The following E2F6 variants were observed in gnomAD, a reference collection of about 807,000 sequenced individuals.
E2F6 encodes the protein transcription factor E2F6.
Under a neutral mutation model 31.5 loss-of-function variants are expected in E2F6, and 19 were observed. That is an observed-to-expected ratio of 0.60 (90% CI 0.42 to 0.89). The LOEUF is 0.89. E2F6 is among the 40% of genes least tolerant of loss of function. The pLI, the probability that E2F6 is intolerant of heterozygous loss-of-function variation, is 0.00. For synonymous variants in E2F6, 121 were observed against 127.7 expected (o/e 0.95, Z 0.36); for missense variants, 269 against 341.6 (o/e 0.79, Z 1.67).
At chr2:11,464,722 C>T (rs762574613) in intron 1 of E2F6, among the ~76,000 whole-genome samples, 20 of 152,002 alleles carry the variant, frequency 1.3e-4, no homozygotes, top group Non-Finnish European at 2.4e-4. Context: ...ACAGGCAAGC[C>T]GGCGTTACAT....
chr2:11,451,587 T>G, intron 4 of E2F6, 64 bp downstream of exon 4: 2 of 1,464,414 alleles, frequency 1.4e-6, no homozygotes, highest in Non-Finnish European at 9.1e-7. Flanking sequence ...CCAAGCTGAC[T>G]CTACTACTTA....
At chr2:11,448,501 C>G (rs538549108) in intron 5 of E2F6, among the ~76,000 whole-genome samples, 21 of 152,246 alleles carry the variant, frequency 1.4e-4, no homozygotes, top group African/African-American at 4.6e-4. Flanking sequence ...CACTCCACAC[C>G]TCATTGTGAT....
chr2:11,453,745 G>A lies in E2F6; in HGVS notation c.217C>T (p.Arg73Ter), dbSNP rs554786766. 4.3e-6 allele frequency: 7 copies of A among 1,613,976 alleles called. No individual in the cohort carries two copies. Among genetic ancestry groups the A allele is most frequent in the Admixed American group, 3.3e-5 (2 of 59,994 alleles). Reference sequence around the variant, plus strand: ...GATCTGACAAGATCCATAAATTTTCGAGTTAAATAAACCAGCGATACATCA... The same window carrying A: ...GATCTGACAAGATCCATAAATTTTCAAGTTAAATAAACCAGCGATACATCA... Reference protein sequence around the residue: ...RFDVSLVYLTRKFMDLVRSAP... With the variant: ...RFDVSLVYLT Residue 73 changes from arginine (R) to a stop codon, truncating the protein, a stop_gained, in exon 3 of 7, where the codon CGA becomes TGA. Coordinates refer to ENST00000381525, the MANE Select transcript of E2F6 (RefSeq NM_198256.4). LOFTEE classifies it high-confidence loss of function.
chr2:11,458,189 C>T, intron 1 of E2F6: 2 of 1,406,376 alleles, frequency 1.4e-6, no homozygotes, highest in Non-Finnish European at 2.0e-6. Context: ...AAAAAACTGG[C>T]CATAAAGCAA....
At chr2:11,452,729 G>C (rs1434064370) in intron 3 of E2F6, among the ~76,000 whole-genome samples, 2 of 151,962 alleles carry the variant, frequency 1.3e-5, no homozygotes, top group African/African-American at 4.8e-5. Flanking sequence ...ATAGGGAAAG[G>C]TCCTTGCCTT....
At position 11,461,162 on chromosome 2, in the gene E2F6, C is replaced by T. The variant is rs185017705; in HGVS notation, c.109-3929G>A. 3.4e-4 allele frequency among the ~76,000 whole-genome samples: 52 copies of T among 152,166 alleles called. No individual in the cohort carries two copies. The East Asian group carries it at 9.7e-3, about 28-fold the overall frequency. ...TAGACAGGGGTGGAAAGGATGATAC[C>T]ACTGTAGGTGGAAATGCTACTGCCC... On this transcript the variant is annotated intron_variant, in intron 1 of 6. Coordinates refer to ENST00000381525, the MANE Select transcript of E2F6 (RefSeq NM_198256.4).
chr2:11,447,242 G>C (rs1011743670), intron 6 of E2F6, among the ~76,000 whole-genome samples: 3 of 152,144 alleles, frequency 2.0e-5, no homozygotes, highest in Non-Finnish European at 4.4e-5. Flanking sequence ...AGTTGAGTGG[G>C]TATTTGACTG....
At chr2:11,454,219 G>A (rs1335123447) in intron 2 of E2F6, among the ~76,000 whole-genome samples, 3 of 152,108 alleles carry the variant, frequency 2.0e-5, no homozygotes, top group South Asian at 2.1e-4. Context: ...GAGAATTGGC[G>A]GCTTTTTTTC....
chr2:11,444,415 G>GT lies in E2F6; in HGVS notation c.*2061dup, dbSNP rs1329191622. The GT allele has an allele frequency of 6.6e-6, 1 of 152,208 alleles. No homozygotes were observed. The highest frequency in any genetic ancestry group is 2.4e-5 in the African/African-American group (1 of 41,434). 9.4% of individuals were successfully genotyped at this position (152,208 alleles called of 1,614,324 possible). A position where few individuals can be genotyped will look rare whatever the true frequency, so the allele number is the denominator to read the frequency against. ...GATACTTCATTTATAACACACATCT[G>GT]TAATTTACAAAGGATTTTCGTTTAC... On this transcript the variant is annotated 3_prime_UTR_variant, in exon 7 of 7. Transcript: ENST00000381525.
At chr2:11,449,138 T>C (rs1295971954) in intron 5 of E2F6, among the ~76,000 whole-genome samples, 1 of 152,216 alleles carries the variant, frequency 6.6e-6, no homozygotes, top group Non-Finnish European at 1.5e-5. Flanking sequence ...AAAGTAAAGA[T>C]GTGTTGATTG....
At chr2:11,458,533 T>G (rs147330364) in intron 1 of E2F6, among the ~76,000 whole-genome samples, 3 of 152,296 alleles carry the variant, frequency 2.0e-5, no homozygotes, top group African/African-American at 7.2e-5. Flanking sequence ...AGTTTGGACT[T>G]TATGTCATAA....
rs906802915 is a variant in E2F6, at chr2:11,445,423, G to A, written c.*1054C>T. On this transcript the variant is annotated 3_prime_UTR_variant, in exon 7 of 7. Transcript: ENST00000381525. The stretch of plus-strand genomic sequence containing the variant: ...CTAATGGTAAACTACAGAGTAAACT[G>A]AGGCACAGAGTGGTAAATGACTTAC... The A allele has an allele frequency of 3.3e-5, 5 of 152,632 alleles. No individual in the cohort carries two copies. The highest frequency in any genetic ancestry group is 1.2e-4 in the African/African-American group (5 of 41,448). 9.5% of individuals were successfully genotyped at this position (152,632 alleles called of 1,614,324 possible). A position where few individuals can be genotyped will look rare whatever the true frequency, so the allele number is the denominator to read the frequency against.
chr2:11,459,951 G>C (rs1671670356), intron 1 of E2F6, among the ~76,000 whole-genome samples: 1 of 152,162 alleles, frequency 6.6e-6, no homozygotes, highest in African/African-American at 2.4e-5. Context: ...GGAGAAGTCA[G>C]AGGCTTACAA....
intron 5 of E2F6, among the ~76,000 whole-genome samples, chr2:11,449,247 G>A (rs1331146415): frequency 6.6e-6 from 1 of 152,202 alleles, no homozygotes; most frequent in Non-Finnish European, 1.5e-5. Flanking sequence ...CCCATACACT[G>A]TGGAGTAATA....
intron 2 of E2F6, among the ~76,000 whole-genome samples, chr2:11,456,220 G>A (rs2148349887): frequency 6.6e-6 from 1 of 152,246 alleles, no homozygotes; most frequent in Admixed American, 6.5e-5. Flanking sequence ...AAGGAATCAG[G>A]GTTTTCTCTA....
intron 1 of E2F6, chr2:11,458,191 A>T (rs1671530995): frequency 6.9e-7 from 1 of 1,451,574 alleles, no homozygotes. Flanking sequence ...AAAACTGGCC[A>T]TAAAGCAAAA....
chr2:11,462,304 C>T (rs1176889580), intron 1 of E2F6, among the ~76,000 whole-genome samples: 1 of 152,164 alleles, frequency 6.6e-6, no homozygotes, highest in Non-Finnish European at 1.5e-5. Flanking sequence ...CAGTACCAAT[C>T]TCTATATATA....
At chr2:11,461,692 T>C (rs1030222584) in intron 1 of E2F6, among the ~76,000 whole-genome samples, 1 of 152,206 alleles carries the variant, frequency 6.6e-6, no homozygotes, top group Admixed American at 6.5e-5. Flanking sequence ...AGTTACATGA[T>C]GAAGGCTTGT....
intron 3 of E2F6, among the ~76,000 whole-genome samples, 156 bp downstream of exon 3, chr2:11,453,426 T>C (rs925690782): frequency 1.2e-4 from 18 of 152,212 alleles, no homozygotes; most frequent in African/African-American, 4.3e-4. Context: ...ATGTACTCTC[T>C]AGGATGATGC....
Sources: gnomAD v4.1 joint callset for allele counts (sites outside exome capture counted in the v4.1 genomes callset) on GRCh38, gnomAD v4.1.1 for gene constraint, MANE v1.5 for transcripts, NCBI Gene and HGNC (gene_info 2026-07-23, HGNC 2026-07-21) for gene names.